GRIA4: variants seen among roughly 807,000 people sequenced by gnomAD.
The protein encoded by GRIA4 is glutamate receptor 4.
In GRIA4, 34 loss-of-function variants were observed where a neutral mutation model predicts 104.0. That is an observed-to-expected ratio of 0.33 (90% CI 0.25 to 0.44). GRIA4 has a LOEUF of 0.44. Among genes scored for constraint, GRIA4 ranks in the 20% least tolerant of loss-of-function variants. The probability of loss-of-function intolerance (pLI) is 1.00; values close to 1 mark genes in which losing one functional copy is unlikely to be tolerated. For synonymous variants in GRIA4, 386 were observed against 381.9 expected (o/e 1.01, Z -0.13); for missense variants, 750 against 1,096.5 (o/e 0.68, Z 4.46).
intron 3 of GRIA4, among the ~76,000 whole-genome samples, chr11:105,696,337 C>A (rs1250132682): frequency 6.6e-6 from 1 of 152,056 alleles, no homozygotes; most frequent in Non-Finnish European, 1.5e-5. Flanking sequence ...AGGACAAGGG[C>A]GATGTCTTAT....
intron 3 of GRIA4, among the ~76,000 whole-genome samples, chr11:105,741,303 A>G (rs1170878112): frequency 6.6e-6 from 1 of 152,182 alleles, no homozygotes; most frequent in African/African-American, 2.4e-5. Context: ...GGTGCAGAAG[A>G]GACAACCAAA....
chr11:105,924,509 T>C lies in GRIA4; in HGVS notation c.1587T>C (p.Pro529=). Residue 529 remains proline, a synonymous_variant, in exon 12 of 17, where the codon CCT becomes CCC. Transcript: ENST00000282499. ...GCATATCTATCATGATCAAAAAGCC[T>C]CAGAAATCCAAACCAGGAGTGTTTT... is the stretch of plus-strand genomic sequence containing the variant. ...SLGISIMIKK[P]QKSKPGVFSF... The C allele has an allele frequency of 6.2e-7, 1 of 1,613,342 alleles. No individual in the cohort carries two copies. The highest frequency in any genetic ancestry group is 8.5e-7 in the Non-Finnish European group (1 of 1,179,466).
intron 14 of GRIA4, among the ~76,000 whole-genome samples, chr11:105,968,879 G>T (rs1210140234): frequency 2.0e-5 from 3 of 152,244 alleles, no homozygotes; most frequent in Non-Finnish European, 4.4e-5. Context: ...ACCATACAAA[G>T]AATTTTAGGC....
chr11:105,910,173 C>G (rs1042512949), intron 9 of GRIA4, among the ~76,000 whole-genome samples: 1 of 152,118 alleles, frequency 6.6e-6, no homozygotes, highest in African/African-American at 2.4e-5. Context: ...TTTGGAATCA[C>G]CATTCCCAAT....
At chr11:105,637,709 G>A (rs1951244602) in intron 3 of GRIA4, among the ~76,000 whole-genome samples, 2 of 152,144 alleles carry the variant, frequency 1.3e-5, no homozygotes, top group African/African-American at 4.8e-5. Flanking sequence ...TTCCAAGCCA[G>A]GAGAATATGG....
intron 4 of GRIA4, among the ~76,000 whole-genome samples, chr11:105,834,759 A>C (rs1944113464): frequency 6.6e-6 from 1 of 150,450 alleles, no homozygotes; most frequent in South Asian, 2.1e-4. Context: ...ATGAGCCAAT[A>C]AGTTCAGTTC....
At chr11:105,883,265 T>TTGCACCG (rs1946129678) in intron 5 of GRIA4, among the ~76,000 whole-genome samples, 1 of 148,964 alleles carries the variant, frequency 6.7e-6, no homozygotes, top group African/African-American at 2.5e-5. Context: ...TTTAGTCTAG[T>TTGCACCG]TGCACCGTTT....
At chr11:105,740,239 C>T (rs75159751) in intron 3 of GRIA4, among the ~76,000 whole-genome samples, 1 of 152,106 alleles carries the variant, frequency 6.6e-6, no homozygotes, top group Admixed American at 6.6e-5. Context: ...TTAATAGCTG[C>T]CAATTTTCAA....
intron 14 of GRIA4, among the ~76,000 whole-genome samples, chr11:105,964,814 T>G (rs902510794): frequency 1.4e-5 from 2 of 140,446 alleles, no homozygotes; most frequent in Admixed American, 6.9e-5. Context: ...TGTTTGTTTG[T>G]TTTTGTTTTG....
intron 3 of GRIA4, among the ~76,000 whole-genome samples, chr11:105,630,183 C>T (rs1950996509): frequency 6.6e-6 from 1 of 152,168 alleles, no homozygotes; most frequent in African/African-American, 2.4e-5. Context: ...GCACTCCCCA[C>T]ATTGAATGAC....
At chr11:105,972,392 T>G (rs1411795783) in intron 15 of GRIA4, among the ~76,000 whole-genome samples, 1 of 152,162 alleles carries the variant, frequency 6.6e-6, no homozygotes, top group Non-Finnish European at 1.5e-5. Flanking sequence ...ACTGATATAT[T>G]CTCAAAACAA....
Position 105,775,202 on chromosome 11 carries a change from C to G in GRIA4, c.487+21982C>G, listed in dbSNP as rs535416976. ...ATCCCTCTTACCAGGACAATTGTGA[C>G]GACAGAGCCACATGGACAATCCAGG... On this transcript the variant is annotated intron_variant, in intron 4 of 16. Coordinates refer to ENST00000282499, the MANE Select transcript of GRIA4 (RefSeq NM_000829.4). 3.3e-5 allele frequency among the ~76,000 whole-genome samples: 5 copies of G among 152,170 alleles called. 1 individual carries two copies. Among genetic ancestry groups the G allele is most frequent in the African/African-American group, 1.2e-4 (5 of 41,538 alleles).
intron 5 of GRIA4, among the ~76,000 whole-genome samples, chr11:105,873,842 A>G (rs1237086383): frequency 6.6e-6 from 1 of 152,176 alleles, no homozygotes; most frequent in Non-Finnish European, 1.5e-5. Context: ...ATAGATTGCA[A>G]AAATTTTCTC....
chr11:105,872,688 T>C (rs1431749303), intron 5 of GRIA4, among the ~76,000 whole-genome samples: 3 of 152,250 alleles, frequency 2.0e-5, no homozygotes, highest in African/African-American at 7.2e-5. Flanking sequence ...TATCTACTCA[T>C]TGATATGTCC....
chr11:105,869,522 T>C (rs1344500004), intron 5 of GRIA4, among the ~76,000 whole-genome samples: 3 of 152,068 alleles, frequency 2.0e-5, no homozygotes, highest in Non-Finnish European at 4.4e-5. Flanking sequence ...AAAGAGAGGA[T>C]AACATCATAA....
chr11:105,714,188 C>A (rs935291450), intron 3 of GRIA4, among the ~76,000 whole-genome samples: 1 of 151,590 alleles, frequency 6.6e-6, no homozygotes, highest in Non-Finnish European at 1.5e-5. Flanking sequence ...GATGTCAAGA[C>A]TGTTTAGTAA....
intron 14 of GRIA4, among the ~76,000 whole-genome samples, chr11:105,958,693 C>A (rs978332186): frequency 1.3e-5 from 2 of 152,152 alleles, no homozygotes; most frequent in Middle Eastern, 3.4e-3. Flanking sequence ...GGAATGGCAC[C>A]AGCTCCTCTT....
intron 4 of GRIA4, among the ~76,000 whole-genome samples, chr11:105,763,610 A>G (rs1940778602): frequency 6.6e-6 from 1 of 152,208 alleles, no homozygotes; most frequent in South Asian, 2.1e-4. Context: ...CTACATCCTT[A>G]TCCTTTTCCA....
At chr11:105,782,505 C>T (rs1482870890) in intron 4 of GRIA4, among the ~76,000 whole-genome samples, 1 of 152,042 alleles carries the variant, frequency 6.6e-6, no homozygotes, top group Non-Finnish European at 1.5e-5. Flanking sequence ...TTTCATTTTC[C>T]ATTACGCTGC....
Sources: gnomAD v4.1 joint callset for allele counts (sites outside exome capture counted in the v4.1 genomes callset) on GRCh38, gnomAD v4.1.1 for gene constraint, MANE v1.5 for transcripts, NCBI Gene and HGNC (gene_info 2026-07-23, HGNC 2026-07-21) for gene names.